UROD: variants seen among roughly 807,000 people sequenced by gnomAD.
UROD encodes the protein uroporphyrinogen decarboxylase.
UROD carries 34 observed loss-of-function variants against 47.1 expected under a neutral mutation model. The observed-to-expected ratio is 0.72, with a 90% confidence interval of 0.55 to 0.96. The LOEUF (loss-of-function observed/expected upper bound fraction) is 0.96. UROD is among the 40% of genes least tolerant of loss of function. The pLI is 0.00. For missense variants in UROD, 381 were observed against 471.8 expected, an observed-to-expected ratio of 0.81 and a Z score of 1.78; for synonymous variants, 148 against 175.8, an observed-to-expected ratio of 0.84 and a Z score of 1.25.
chr1:45,013,838 G>T lies in UROD; in HGVS notation c.474+47G>T. On this transcript the variant is annotated intron_variant, in intron 5 of 9. Transcript: ENST00000246337. This position sits in a 1 kb window ranked among gnomAD's most constrained non-coding sequence, Gnocchi z 4.2. ...ACTCGGGGCGCGGGGAGATCACTCT[G>T]GAAGGTCTGGGGTAGACAAAAGGAA... 6.2e-7 allele frequency: 1 copy of T among 1,614,180 alleles called. No homozygotes were observed. Among genetic ancestry groups the T allele is most frequent in the Non-Finnish European group, 8.5e-7 (1 of 1,180,044 alleles).
In UROD at chr1:45,013,332, C is replaced by T. The variant is rs1204313185; in HGVS notation, c.254C>T (p.Ser85Phe). Residue 85 changes from serine to phenylalanine, a missense_variant, in exon 4 of 10, where the codon TCC (serine) becomes TTC (phenylalanine). Physicochemically the swap from Ser to Phe is radical, Grantham distance 155. Transcript: ENST00000246337. This position sits in a 1 kb window ranked among gnomAD's most constrained non-coding sequence, Gnocchi z 4.2. ...RFPLDAAIIF[S>F]DILVVPQALG... ...CCTCTGGATGCTGCCATCATTTTCT[C>T]CGACATCCTTGTTGTACCCCAGGTA... is the stretch of plus-strand genomic sequence containing the variant. 3 of 1,614,096 alleles carry T rather than the reference C, an allele frequency of 1.9e-6. No individual in the cohort carries two copies. In the African/African-American group the frequency reaches 4.0e-5, roughly 22 times the overall value.
At position 45,014,964 on chromosome 1, in the gene UROD, A is replaced by C; in HGVS notation, c.900A>C (p.Thr300=). 6.2e-7 allele frequency: 1 copy of C among 1,614,112 alleles called. No individual in the cohort carries two copies. The change falls in exon 9 of 10, where the codon ACA becomes ACC. Residue 300 remains threonine (T), a synonymous_variant. Transcript: ENST00000246337. ...KARECVGKTV[T]LQGNLDPCAL... ...GGGAGTGTGTGGGGAAGACGGTGAC[A>C]TTGCAGGGCAACCTGGACCCCTGTG...
At chr1:45,012,581 T>C (rs1036390907) in intron 1 of UROD, 20 of 611,730 alleles carry the variant, frequency 3.3e-5, no homozygotes, top group South Asian at 2.0e-5. Context: ...CCCAGTGACA[T>C]TCCCGTTTCT....
chr1:45,013,410 C>G lies in UROD; in HGVS notation c.276+56C>G, dbSNP rs774622634. 3 of 1,612,292 alleles carry G rather than the reference C, an allele frequency of 1.9e-6. No individual in the cohort carries two copies. The highest frequency in any genetic ancestry group is 2.5e-6 in the Non-Finnish European group (3 of 1,178,364). ...ATCCAAGGACGCCTTGAAAATCCTT[C>G]TATCAGTCCAGTCAAGGTTTACAAT... On this transcript the variant is annotated intron_variant, in intron 4 of 9. Transcript: ENST00000246337. The surrounding 1 kb of genome is among the most constrained non-coding windows in gnomAD (Gnocchi z 4.2).
At position 45,013,618 on chromosome 1, in the gene UROD, G is replaced by T. The variant is rs757892987; in HGVS notation, c.301G>T (p.Val101Leu). The change falls in exon 5 of 10, where the codon GTA becomes TTA. Residue 101 changes from valine to leucine, a missense_variant. Coordinates refer to ENST00000246337, the MANE Select transcript of UROD (RefSeq NM_000374.5). This position sits in a 1 kb window ranked among gnomAD's most constrained non-coding sequence, Gnocchi z 4.2. ...GGCACTGGGCATGGAGGTGACCATG[G>T]TACCTGGCAAAGGACCCAGCTTCCC... is the stretch of plus-strand genomic sequence containing the variant. Reference protein sequence around the residue: ...PQALGMEVTMVPGKGPSFPEP... With the variant: ...PQALGMEVTMLPGKGPSFPEP... 1.9e-6 allele frequency: 3 copies of T among 1,613,998 alleles called. No individual in the cohort carries two copies. The East Asian group carries it at 6.7e-5, about 36-fold the overall frequency.
At position 45,014,995 on chromosome 1, in the gene UROD, T is replaced by C; in HGVS notation, c.931T>C (p.Tyr311His). 1 of 1,613,856 alleles carries C rather than the reference T, an allele frequency of 6.2e-7. No individual in the cohort carries two copies. The change falls in exon 9 of 10, where the codon TAT becomes CAT. Residue 311 changes from tyrosine (Y) to histidine (H), a missense_variant. By Grantham distance (83) the Tyr-to-His change is moderately conservative. Transcript: ENST00000246337. ...LQGNLDPCAL[Y>H]ASEEEIGQLV... ...GGGCAACCTGGACCCCTGTGCCTTGTATGCATCTGAGGTAACAGCCAGGGC... is the reference window on the plus strand; with the variant it reads ...GGGCAACCTGGACCCCTGTGCCTTGCATGCATCTGAGGTAACAGCCAGGGC...
Position 45,012,989 on chromosome 1 carries a change from T to G in UROD, c.103T>G (p.Cys35Gly). 1 of 1,613,894 alleles carries G rather than the reference T, an allele frequency of 6.2e-7. No homozygotes were observed. Among genetic ancestry groups the G allele is most frequent in the Non-Finnish European group, 8.5e-7 (1 of 1,180,000 alleles). ...GGAAACAGACTACACTCCCGTTTGGTGCATGCGCCAGGCAGGCCGTTACTT... is the reference window on the plus strand; with the variant it reads ...GGAAACAGACTACACTCCCGTTTGGGGCATGCGCCAGGCAGGCCGTTACTT... Reference protein sequence around the residue: ...GEETDYTPVWCMRQAGRYLPE... With the variant: ...GEETDYTPVWGMRQAGRYLPE... The change falls in exon 2 of 10, where the codon TGC becomes GGC. Residue 35 changes from cysteine to glycine, a missense_variant. Coordinates refer to ENST00000246337, the MANE Select transcript of UROD (RefSeq NM_000374.5).
intron 1 of UROD, chr1:45,012,628 AGTGG>A (rs1644811103): frequency 1.6e-6 from 1 of 636,194 alleles, no homozygotes; most frequent in Non-Finnish European, 2.7e-6. Context: ...AACTATCCTT[AGTGG>A]GCCTTCATTC....
At position 45,015,517 on chromosome 1, in the gene UROD, A is replaced by G. The variant is rs1644845116; in HGVS notation, c.*19A>G. The G allele has an allele frequency of 6.2e-7, 1 of 1,614,060 alleles. No homozygotes were observed. Reference sequence around the variant, plus strand: ...GAACTGAGTGTATACCTTTACCCTCAAGTACCACTAACACAGATGATTGAT... The same window carrying G: ...GAACTGAGTGTATACCTTTACCCTCGAGTACCACTAACACAGATGATTGAT... On this transcript the variant is annotated 3_prime_UTR_variant, in exon 10 of 10. Coordinates refer to ENST00000246337, the MANE Select transcript of UROD (RefSeq NM_000374.5).
rs778149448 is a variant in UROD at position 45,015,410 on chromosome 1, A to G, written c.1016A>G (p.His339Arg). 2.5e-6 allele frequency: 4 copies of G among 1,614,208 alleles called. No individual in the cohort carries two copies. In the African/African-American group the frequency reaches 4.0e-5, roughly 16 times the overall value. Residue 339 changes from histidine (H) to arginine (R), a missense_variant, in exon 10 of 10, where the codon CAT becomes CGT. By Grantham distance (29) the His-to-Arg change is conservative. Transcript: ENST00000246337. ...GPHRYIANLG[H>R]GLYPDMDPEH... ...CATCGCTACATTGCCAACCTGGGCC[A>G]TGGGCTTTATCCTGACATGGACCCA...
rs1410710673 is a variant in UROD, at chr1:45,014,207, A to G, written c.636+137A>G. 10 of 1,374,618 alleles carry G rather than the reference A, an allele frequency of 7.3e-6. 1 individual carries two copies. The highest frequency in any genetic ancestry group is 1.4e-5 in the African/African-American group (1 of 70,356). The allele number at this position is 1,374,618 out of a possible 1,614,324, so 85.2% of individuals were successfully genotyped here. A position where few individuals can be genotyped will look rare whatever the true frequency, so the allele number is the denominator to read the frequency against. ...TTGGCCTCCAGTGATCTAGCGGAGC[A>G]GCCAAGCCCATCCTGACACTGACAG... is the stretch of plus-strand genomic sequence containing the variant. On this transcript the variant is annotated intron_variant, in intron 6 of 9. Coordinates refer to ENST00000246337, the MANE Select transcript of UROD (RefSeq NM_000374.5).
In UROD at chr1:45,013,661, A is replaced by G. The variant is rs1390513446; in HGVS notation, c.344A>G (p.Glu115Gly). 2 of 1,614,096 alleles carry G rather than the reference A, an allele frequency of 1.2e-6. No homozygotes were observed. The highest frequency in any genetic ancestry group is 1.7e-6 in the Non-Finnish European group (2 of 1,180,014). The change falls in exon 5 of 10, where the codon GAG becomes GGG. Residue 115 changes from glutamate to glycine, a missense_variant. Coordinates refer to ENST00000246337, the MANE Select transcript of UROD (RefSeq NM_000374.5). This position sits in a 1 kb window ranked among gnomAD's most constrained non-coding sequence, Gnocchi z 4.2. ...GPSFPEPLRE[E>G]QDLERLRDPE... ...AGCTTCCCAGAGCCATTAAGAGAAG[A>G]GCAGGACCTAGAACGCCTACGGGAT...
At chr1:45,012,629 G>T in intron 1 of UROD, 3 of 639,364 alleles carry the variant, frequency 4.7e-6, no homozygotes, top group South Asian at 3.9e-5. Flanking sequence ...ACTATCCTTA[G>T]TGGGCCTTCA....
At chr1:45,012,798 G>A in intron 1 of UROD, 109 bp from the exon 2 acceptor site, 1 of 1,555,172 alleles carries the variant, frequency 6.4e-7, no homozygotes, top group Non-Finnish European at 8.7e-7. Flanking sequence ...GAGCTGGCCT[G>A]GAGGAGGTAG....
Position 45,013,463 on chromosome 1 carries a change from A to G in UROD, c.276+109A>G, listed in dbSNP as rs1193158210. The G allele has an allele frequency of 1.9e-6, 3 of 1,605,838 alleles. No homozygotes were observed. Among genetic ancestry groups the G allele is most frequent in the East Asian group, 2.2e-5 (1 of 44,860 alleles). ...GCACTTATCCTAACTGGATCGAGGGAAAAACTAAGGTTGAAAGAAATGGAG... is the reference window on the plus strand; with the variant it reads ...GCACTTATCCTAACTGGATCGAGGGGAAAACTAAGGTTGAAAGAAATGGAG... On this transcript the variant is annotated intron_variant, in intron 4 of 9. Transcript: ENST00000246337. This position sits in a 1 kb window ranked among gnomAD's most constrained non-coding sequence, Gnocchi z 4.2.
intron 6 of UROD, 79 bp downstream of exon 6, chr1:45,014,149 G>A (rs1644828972): frequency 1.2e-6 from 2 of 1,603,778 alleles, no homozygotes; most frequent in Non-Finnish European, 1.7e-6. Flanking sequence ...AACCTGAGAG[G>A]GCAGGGGTCT....
rs1244970729 is a variant in UROD at position 45,012,893 on chromosome 1, C to G, written c.21-14C>G. The G allele has an allele frequency of 4.3e-6, 7 of 1,613,626 alleles. No homozygotes were observed. Among genetic ancestry groups the G allele is most frequent in the East Asian group, 4.5e-5 (2 of 44,880 alleles). On this transcript the variant is annotated splice_polypyrimidine_tract_variant and intron_variant, in intron 1 of 9. Coordinates refer to ENST00000246337, the MANE Select transcript of UROD (RefSeq NM_000374.5). Reference sequence around the variant, plus strand: ...GCATACTGACACCTACCCCCACCCCCACCTGATCGCCAGACCTCAGGGTTT... The same window carrying G: ...GCATACTGACACCTACCCCCACCCCGACCTGATCGCCAGACCTCAGGGTTT...
At chr1:45,015,194 A>G in intron 9 of UROD, 143 bp from the exon 10 acceptor site, 1 of 1,437,244 alleles carries the variant, frequency 7.0e-7, no homozygotes, top group Admixed American at 2.0e-5. Context: ...GCCTGGGTCC[A>G]TACTAGGGAT....
intron 7 of UROD, 28 bp from the exon 8 acceptor site, chr1:45,014,708 C>T: frequency 1.2e-6 from 2 of 1,614,012 alleles, no homozygotes; most frequent in Non-Finnish European, 8.5e-7. Context: ...GCAAGGCCCT[C>T]TGTAGCCTGA....
Sources: gnomAD v4.1 joint callset for allele counts on GRCh38, gnomAD v4.1.1 for gene constraint, Gnocchi (gnomAD v3.1) non-coding constraint, MANE v1.5 for transcripts, NCBI Gene and HGNC (gene_info 2026-07-23, HGNC 2026-07-21) for gene names.